IMMP2L: variants seen among roughly 807,000 people sequenced by gnomAD.
IMMP2L encodes inner mitochondrial membrane peptidase subunit 2, also known as mitochondrial inner membrane protease subunit 2.
In IMMP2L, 18 loss-of-function variants were observed where a neutral mutation model predicts 19.3. The observed-to-expected ratio is 0.93, with a 90% CI of 0.64 to 1.38. The LOEUF (loss-of-function observed/expected upper bound fraction) is 1.38, where lower values mean the gene tolerates loss of function less well. IMMP2L is among the 40% of genes most tolerant of loss of function. The probability of loss-of-function intolerance (pLI) is 0.00; values close to 1 mark genes in which losing one functional copy is unlikely to be tolerated. For synonymous variants in IMMP2L, 76 were observed against 73.0 expected (o/e 1.04, Z -0.21); for missense variants, 233 against 218.2 (o/e 1.07, Z -0.43).
At chr7:111,122,566 C>A in intron 3 of IMMP2L, 2 of 547,146 alleles carry the variant, frequency 3.7e-6, no homozygotes. Flanking sequence ...AAATAGTAAC[C>A]TTCTCTTCTC....
At chr7:110,762,875 C>T (rs1196465734) in intron 5 of IMMP2L, among the ~76,000 whole-genome samples, 1 of 152,140 alleles carries the variant, frequency 6.6e-6, no homozygotes, top group Non-Finnish European at 1.5e-5. Context: ...ATACTCCACC[C>T]TGCATTTGTT....
At chr7:110,821,329 A>G (rs1032736628) in intron 5 of IMMP2L, among the ~76,000 whole-genome samples, 4 of 152,144 alleles carry the variant, frequency 2.6e-5, no homozygotes, top group African/African-American at 9.6e-5. Flanking sequence ...CAGACTTTAC[A>G]GTGTAACTAT....
intron 3 of IMMP2L, among the ~76,000 whole-genome samples, chr7:111,309,279 T>C (rs1251376529): frequency 6.6e-6 from 1 of 152,186 alleles, no homozygotes; most frequent in East Asian, 1.9e-4. Context: ...AAGAATTCTA[T>C]GCCAGGCAAT....
intron 3 of IMMP2L, among the ~76,000 whole-genome samples, chr7:111,452,141 A>C (rs1839264685): frequency 6.6e-6 from 1 of 152,142 alleles, no homozygotes; most frequent in South Asian, 2.1e-4. Flanking sequence ...GCAGGTTTAT[A>C]GTCTAATTTT....
At chr7:111,306,607 TGTGTGTGTGTGTGTG>T (rs1318642123) in intron 3 of IMMP2L, among the ~76,000 whole-genome samples, 3 of 282 alleles carry the variant, frequency 0.011, no homozygotes, top group African/African-American at 0.037. Flanking sequence ...CACTGGACTC[TGTGTGTGTGTGTGTG>T]TGTGTGTGTG....
chr7:111,035,082 A>G (rs1413791636), intron 3 of IMMP2L, among the ~76,000 whole-genome samples: 2 of 152,152 alleles, frequency 1.3e-5, no homozygotes, highest in African/African-American at 4.8e-5. Context: ...ATATTAAAGA[A>G]TCCAATACTG....
intron 3 of IMMP2L, among the ~76,000 whole-genome samples, chr7:111,418,259 G>A (rs1389280876): frequency 6.6e-6 from 1 of 151,092 alleles, no homozygotes; most frequent in Non-Finnish European, 1.5e-5. Flanking sequence ...TTTTTAGGAG[G>A]GCTGCCTCCA....
chr7:111,331,167 G>A (rs1703735919), intron 3 of IMMP2L, among the ~76,000 whole-genome samples: 1 of 151,808 alleles, frequency 6.6e-6, no homozygotes, highest in African/African-American at 2.4e-5. Context: ...CTAAGTTATG[G>A]AATCAACCTA....
chr7:111,140,411 C>T (rs1267368517), intron 3 of IMMP2L, among the ~76,000 whole-genome samples: 1 of 152,130 alleles, frequency 6.6e-6, no homozygotes, highest in Non-Finnish European at 1.5e-5. Flanking sequence ...AGCCCAGGTG[C>T]ATCAATACTG....
At chr7:111,527,665 G>A (rs1585524073) in intron 1 of IMMP2L, among the ~76,000 whole-genome samples, 2 of 152,102 alleles carry the variant, frequency 1.3e-5, no homozygotes, top group East Asian at 3.9e-4. Context: ...CAGTGAGGGA[G>A]CTGAAACCAG....
intron 4 of IMMP2L, among the ~76,000 whole-genome samples, chr7:110,909,674 C>T (rs1812829246): frequency 6.6e-6 from 1 of 152,174 alleles, no homozygotes; most frequent in South Asian, 2.1e-4. Flanking sequence ...ACTCTCTCCA[C>T]TTTCAGGCCC....
chr7:111,105,900 A>T (rs544380777), intron 3 of IMMP2L, among the ~76,000 whole-genome samples: 42 of 151,882 alleles, frequency 2.8e-4, no homozygotes, highest in Admixed American at 2.8e-3. Context: ...AACTCCACTG[A>T]TGTATGTATC....
At chr7:111,128,013 C>G (rs935602143) in intron 3 of IMMP2L, among the ~76,000 whole-genome samples, 10 of 151,930 alleles carry the variant, frequency 6.6e-5, no homozygotes, top group African/African-American at 2.4e-4. Flanking sequence ...ACCATTTCAC[C>G]AAGAAAGAAA....
intron 5 of IMMP2L, among the ~76,000 whole-genome samples, chr7:110,712,299 G>T (rs1169688234): frequency 2.0e-5 from 1 of 49,420 alleles, no homozygotes; most frequent in African/African-American, 6.7e-5. Context: ...CCTGCTGGGG[G>T]GTGCCTCCCA....
Position 111,123,121 on chromosome 7 carries a change from C to G in IMMP2L, c.240-159556G>C, listed in dbSNP as rs939340462. 5.6e-6 allele frequency: 9 copies of G among 1,613,604 alleles called. No homozygotes were observed. Among genetic ancestry groups the G allele is most frequent in the Non-Finnish European group, 7.6e-6 (9 of 1,179,844 alleles). On this transcript the variant is annotated intron_variant, in intron 3 of 5. Coordinates refer to ENST00000405709, the MANE Select transcript of IMMP2L (RefSeq NM_032549.4). The surrounding 1 kb of genome is among the most constrained non-coding windows in gnomAD (Gnocchi z 6.4). ...CAATATTAATGTAAAAAAGATGCCT[C>G]AGCTCCTTTCTGTGTACCTAGAGGA...
At chr7:110,888,942 A>C (rs140790205) in intron 4 of IMMP2L, among the ~76,000 whole-genome samples, 3 of 152,216 alleles carry the variant, frequency 2.0e-5, no homozygotes, top group Non-Finnish European at 4.4e-5. Flanking sequence ...AAATGAATGA[A>C]TATCTGAAGA....
At chr7:111,399,707 C>A (rs11972486) in intron 3 of IMMP2L, among the ~76,000 whole-genome samples, 3,068 of 152,102 alleles carry the variant, frequency 0.02, 107 homozygotes, top group African/African-American at 0.07. Flanking sequence ...ACTAACAACA[C>A]CTAAGTTGTT....
intron 3 of IMMP2L, among the ~76,000 whole-genome samples, chr7:111,147,377 A>G (rs1803592047): frequency 1.3e-5 from 2 of 152,102 alleles, no homozygotes; most frequent in Non-Finnish European, 2.9e-5. Context: ...GAAATTCTTT[A>G]TCTTTCCCAA....
chr7:111,360,025 A>T (rs1197415489), intron 3 of IMMP2L, among the ~76,000 whole-genome samples: 1 of 152,122 alleles, frequency 6.6e-6, no homozygotes, highest in Admixed American at 6.6e-5. Flanking sequence ...TCAGTATAAC[A>T]TCTGTTCACA....
Sources: gnomAD v4.1 joint callset for allele counts (sites outside exome capture counted in the v4.1 genomes callset) on GRCh38, gnomAD v4.1.1 for gene constraint, Gnocchi (gnomAD v3.1) non-coding constraint, MANE v1.5 for transcripts, NCBI Gene and HGNC (gene_info 2026-07-23, HGNC 2026-07-21) for gene names.